PRG2: variants seen among roughly 807,000 people sequenced by gnomAD.
PRG2 encodes proteoglycan 2, pro eosinophil major basic protein, also known as bone marrow proteoglycan.
Under a neutral mutation model 24.7 loss-of-function variants are expected in PRG2, and 23 were observed. The observed-to-expected ratio is 0.93, with a 90% CI of 0.67 to 1.32. The LOEUF (loss-of-function observed/expected upper bound fraction) is 1.32, where lower values mean the gene tolerates loss of function less well. Ranked by LOEUF, PRG2 falls within the 40% of genes most tolerant of loss-of-function variation. The probability of loss-of-function intolerance (pLI) is 0.00; values close to 1 mark genes in which losing one functional copy is unlikely to be tolerated. For synonymous variants in PRG2, 104 were observed against 99.8 expected (o/e 1.04, Z -0.25); for missense variants, 271 against 280.9 (o/e 0.96, Z 0.25).
chr11:57,387,754 C>G lies in PRG2; in HGVS notation c.610G>C (p.Gly204Arg). The G allele has an allele frequency of 6.4e-7, 1 of 1,570,156 alleles. No individual in the cohort carries two copies. Among genetic ancestry groups the G allele is most frequent in the Non-Finnish European group, 8.6e-7 (1 of 1,158,154 alleles). ...GGHCVALCTR[G>R]GHWRRAHCLR... is the part of the protein sequence containing the mutation. Reference sequence around the variant, plus strand: ...TCGTTCATCCCCAGCCCCACCTCACCTCGGGTACACAGGGCCACGCAGTGA... The same window carrying G: ...TCGTTCATCCCCAGCCCCACCTCACGTCGGGTACACAGGGCCACGCAGTGA... Residue 204 changes from glycine to arginine, a missense_variant and splice_region_variant, in exon 5 of 6, where the codon GGA (glycine) becomes CGA (arginine). Physicochemically the swap from Gly to Arg is moderately radical, Grantham distance 125 (BLOSUM62 -2). Transcript: ENST00000311862.
At chr11:57,387,687 C>G in intron 5 of PRG2, 67 bp downstream of exon 5, 8 of 1,409,612 alleles carry the variant, frequency 5.7e-6, no homozygotes, top group Non-Finnish European at 7.7e-6. Flanking sequence ...CTCTTTGTAG[C>G]ATCTCCTCCT....
intron 4 of PRG2, 106 bp downstream of exon 4, chr11:57,388,471 G>T: frequency 6.6e-7 from 1 of 1,512,490 alleles, no homozygotes; most frequent in Non-Finnish European, 9.0e-7. Context: ...ATCTATCCCT[G>T]GTTCTTCTGG....
Position 57,388,676 on chromosome 11 carries a change from C to G in PRG2, c.399G>C (p.Leu133=), listed in dbSNP as rs370629281. 2.2e-5 allele frequency: 36 copies of G among 1,613,946 alleles called. No homozygotes were observed. The South Asian group carries it at 3.3e-4, about 15-fold the overall frequency. Residue 133 remains leucine (L), a synonymous_variant, in exon 4 of 6, where the codon CTG becomes CTC. Coordinates refer to ENST00000311862, the MANE Select transcript of PRG2 (RefSeq NM_002728.6). ...FTCRRCYRGN[L]VSIHNFNINY... is the part of the protein sequence containing the mutation. ...TAATATTGAAGTTGTGGATGGAAAC[C>G]AGGTTGCCCCTGTAGCACCTCCGGC... is the stretch of plus-strand genomic sequence containing the variant.
At position 57,387,489 on chromosome 11, in the gene PRG2, TGAAAG is replaced by T. The variant is rs764094368; in HGVS notation, c.650_654del (p.Pro217HisfsTer49). The T allele has an allele frequency of 6.2e-7, 1 of 1,613,786 alleles. No individual in the cohort carries two copies. The highest frequency in any genetic ancestry group is 8.5e-7 in the Non-Finnish European group (1 of 1,179,918). ...CTGGGACCAGCTCAGTAGGAACAGA[TGAAAG>T]GAAGTCTTCTGAGGCAGTGGGCTCG... On this transcript the variant is annotated frameshift_variant, in exon 6 of 6. Transcript: ENST00000311862. LOFTEE classifies it high-confidence loss of function.
rs1474978368 is a variant in PRG2 at position 57,389,100 on chromosome 11, T to C, written c.276A>G (p.Glu92=). ...TGCCCACCACTTTTACTGTGTCCTC[T>C]TCCTCAGGACACGTAAGGTTTTTGT... is the stretch of plus-strand genomic sequence containing the variant. ...MVDKNLTCPE[E]EDTVKVVGIP... is the part of the protein sequence containing the mutation. Residue 92 remains glutamate (E), a synonymous_variant, in exon 3 of 6, where the codon GAA becomes GAG. Transcript: ENST00000311862. 1 of 1,614,194 alleles carries C rather than the reference T, an allele frequency of 6.2e-7. No homozygotes were observed. The highest frequency in any genetic ancestry group is 1.1e-5 in the South Asian group (1 of 91,086).
chr11:57,389,261 C>T lies in PRG2; in HGVS notation c.115G>A (p.Glu39Lys). The T allele has an allele frequency of 6.2e-7, 1 of 1,614,148 alleles. No homozygotes were observed. Among genetic ancestry groups the T allele is most frequent in the South Asian group, 1.1e-5 (1 of 91,088 alleles). Residue 39 changes from glutamate (E) to lysine (K), a missense_variant, in exon 3 of 6, where the codon GAG (glutamate) becomes AAG (lysine). Coordinates refer to ENST00000311862, the MANE Select transcript of PRG2 (RefSeq NM_002728.6). ...PLGAKTLPED[E>K]ETPEQEMEET... ...TCCATCTCCTGCTCTGGTGTCTCCT[C>T]ATCCTCAGGCAGCGTCTTAGCACCC...
Position 57,389,825 on chromosome 11 carries a change from C to T in PRG2, c.58+62G>A, listed in dbSNP as rs78375323. On this transcript the variant is annotated intron_variant, in intron 2 of 5. Transcript: ENST00000311862. ...GAAGGGGGTGGGTGTGTAACTCTGA[C>T]CCCATCTACCATAGAAAGGGAAAAA... The T allele has an allele frequency of 6.4e-5, 93 of 1,449,746 alleles. No homozygotes were observed. In the East Asian group the frequency reaches 1.9e-3, roughly 30 times the overall value. The allele number at this position is 1,449,746 out of a possible 1,614,324, so 89.8% of individuals were successfully genotyped here.
intron 3 of PRG2, 30 bp from the exon 4 acceptor site, chr11:57,388,738 G>A (rs755042487): frequency 6.2e-7 from 1 of 1,610,618 alleles, no homozygotes; most frequent in South Asian, 1.1e-5. Flanking sequence ...ACAAAGAATG[G>A]AGCATCCTTC....
At chr11:57,388,154 ATT>A (rs10568909) in intron 4 of PRG2, among the ~76,000 whole-genome samples, 15,812 of 147,946 alleles carry the variant, frequency 0.11, 948 homozygotes, top group African/African-American at 0.15. Context: ...TCTTGTTTTA[ATT>A]TTTTTTTTAT....
intron 1 of PRG2, among the ~76,000 whole-genome samples, chr11:57,390,159 C>T (rs1466765018): frequency 2.6e-5 from 4 of 152,130 alleles, no homozygotes; most frequent in South Asian, 2.1e-4. Context: ...CTAAACAGAA[C>T]GCAGCAAACC....
At chr11:57,389,601 C>T (rs767990390) in intron 2 of PRG2, among the ~76,000 whole-genome samples, 9 of 152,110 alleles carry the variant, frequency 5.9e-5, no homozygotes, top group Non-Finnish European at 7.3e-5. Flanking sequence ...TACTTCATGG[C>T]GATGCTAAGA....
chr11:57,387,897 G>A (rs1190432260), intron 4 of PRG2, 32 bp from the exon 5 acceptor site: 1 of 1,489,416 alleles, frequency 6.7e-7, no homozygotes, highest in Admixed American at 2.2e-5. Context: ...GAAGGGATGG[G>A]GCAGAGGGAA....
intron 2 of PRG2, 144 bp from the exon 3 acceptor site, chr11:57,389,461 G>A: frequency 2.1e-6 from 2 of 933,334 alleles, no homozygotes; most frequent in Admixed American, 2.9e-5. Flanking sequence ...TCTCTATGAG[G>A]GGAACCCAAG....
At chr11:57,387,679 C>T in intron 5 of PRG2, 75 bp downstream of exon 5, 2 of 1,404,084 alleles carry the variant, frequency 1.4e-6, no homozygotes, top group Non-Finnish European at 1.9e-6. Flanking sequence ...GGGTCAGGCT[C>T]TTTGTAGCAT....
intron 4 of PRG2, 96 bp downstream of exon 4, chr11:57,388,481 G>T: frequency 6.5e-7 from 1 of 1,539,658 alleles, no homozygotes; most frequent in Non-Finnish European, 8.8e-7. Flanking sequence ...GGTTCTTCTG[G>T]AGATTATACA....
chr11:57,387,861 C>A lies in PRG2; in HGVS notation c.503G>T (p.Arg168Leu). Reference protein sequence around the residue: ...WIGGRITGSGRCRRFQWVDGS... With the variant: ...WIGGRITGSGLCRRFQWVDGS... The stretch of plus-strand genomic sequence containing the variant: ...GTCAACCCACTGAAAGCGTCTGCAG[C>A]GACCCTGGAGAAAGCAAGAGGGGAA... The change falls in exon 5 of 6, where the codon CGC (arginine) becomes CTC (leucine). Residue 168 changes from arginine to leucine, a missense_variant. By Grantham distance (102) the Arg-to-Leu change is moderately radical. Transcript: ENST00000311862. The A allele has an allele frequency of 6.4e-7, 1 of 1,563,566 alleles. No homozygotes were observed. Among genetic ancestry groups the A allele is most frequent in the Non-Finnish European group, 8.7e-7 (1 of 1,153,472 alleles).
At position 57,387,252 on chromosome 11, in the gene PRG2, T is replaced by G; in HGVS notation, c.*223A>C. The G allele has an allele frequency of 2.0e-6, 1 of 492,554 alleles. No individual in the cohort carries two copies. Among genetic ancestry groups the G allele is most frequent in the South Asian group, 2.8e-5 (1 of 35,122 alleles). 30.5% of individuals were successfully genotyped at this position (492,554 alleles called of 1,614,324 possible). Reference sequence around the variant, plus strand: ...ACCCTCCATCCTCCTCCTCAAGGAGTAGTAGCTTCTGACACTTCTATGAAA... The same window carrying G: ...ACCCTCCATCCTCCTCCTCAAGGAGGAGTAGCTTCTGACACTTCTATGAAA... On this transcript the variant is annotated 3_prime_UTR_variant, in exon 6 of 6. Coordinates refer to ENST00000311862, the MANE Select transcript of PRG2 (RefSeq NM_002728.6).
intron 1 of PRG2, among the ~76,000 whole-genome samples, chr11:57,390,318 A>C (rs577886088): frequency 2.0e-5 from 3 of 152,254 alleles, no homozygotes; most frequent in African/African-American, 7.2e-5. Flanking sequence ...CTAGGAACAC[A>C]TAGGACTTAG....
intron 2 of PRG2, 109 bp from the exon 3 acceptor site, chr11:57,389,426 C>T: frequency 8.1e-7 from 1 of 1,228,226 alleles, no homozygotes. Flanking sequence ...TCAACTCTGC[C>T]TGGGAAGGGG....
Sources: gnomAD v4.1 joint callset for allele counts (sites outside exome capture counted in the v4.1 genomes callset) on GRCh38, gnomAD v4.1.1 for gene constraint, MANE v1.5 for transcripts, NCBI Gene and HGNC (gene_info 2026-07-23, HGNC 2026-07-21) for gene names.